SPDYC: variants seen among roughly 807,000 people sequenced by gnomAD.
SPDYC encodes the protein speedy/RINGO cell cycle regulator family member C, also known as speedy protein C.
Under a neutral mutation model 33.9 loss-of-function variants are expected in SPDYC, and 25 were observed. That is an observed-to-expected ratio of 0.74 (90% confidence interval 0.54 to 1.03). The LOEUF is 1.03. Among genes scored for constraint, SPDYC ranks in the 50% least tolerant of loss-of-function variants. SPDYC has a pLI of 0.00. For synonymous variants in SPDYC, 133 were observed against 140.2 expected (o/e 0.95, Z 0.36); for missense variants, 349 against 382.9 (o/e 0.91, Z 0.74).
At chr11:65,171,863 G>T in intron 2 of SPDYC, 80 bp from the exon 3 acceptor site, 1 of 1,274,760 alleles carries the variant, frequency 7.8e-7, no homozygotes. Context: ...GTGGTGGCTT[G>T]GGCTTTGGAG....
chr11:65,170,340 G>C lies in SPDYC; in HGVS notation c.26+79G>C, dbSNP rs1565371121. The stretch of plus-strand genomic sequence containing the variant: ...GGCCCAGATTGGCCCTGGGGTGGTC[G>C]ACCGCACGTTCTCCTCGGCCCCGTG... On this transcript the variant is annotated intron_variant, in intron 1 of 6. Coordinates refer to ENST00000377185, the Ensembl canonical transcript of SPDYC. 5.7e-6 allele frequency: 8 copies of C among 1,408,568 alleles called. No homozygotes were observed. In the East Asian group the frequency reaches 1.1e-4, roughly 19 times the overall value. The allele number at this position is 1,408,568 out of a possible 1,614,324, so 87.3% of individuals were successfully genotyped here.
intron 2 of SPDYC, 111 bp from the exon 3 acceptor site, chr11:65,171,830 AAG>A (rs1948438113): frequency 1.1e-6 from 1 of 911,238 alleles, no homozygotes; most frequent in Admixed American, 2.2e-5. Flanking sequence ...AAGGGAGAAA[AAG>A]AGAAAGAGAG....
chr11:65,170,813 G>A (rs1948422470), intron 1 of SPDYC, among the ~76,000 whole-genome samples: 1 of 152,160 alleles, frequency 6.6e-6, no homozygotes, highest in African/African-American at 2.4e-5. Flanking sequence ...AACCCGGGAG[G>A]CGGAGGTTGC....
At chr11:65,171,552 G>A (rs1948434567) in intron 2 of SPDYC, 53 bp downstream of exon 2, 1 of 1,456,902 alleles carries the variant, frequency 6.9e-7, no homozygotes, top group Admixed American at 2.8e-5. Flanking sequence ...TGTGAAAGCA[G>A]ATGTGAAGTG....
chr11:65,172,963 A>G (rs1231116834), exon 6 of SPDYC: 2 of 1,613,724 alleles, frequency 1.2e-6, no homozygotes, highest in South Asian at 1.1e-5. Context: ...GGACTTTCTC[A>G]TCGTCTTGCC....
chr11:65,171,460 C>T lies in SPDYC; in HGVS notation c.160C>T (p.Arg54Cys), dbSNP rs776932331. 1.3e-5 allele frequency: 20 copies of T among 1,595,260 alleles called. No homozygotes were observed. Among genetic ancestry groups the T allele is most frequent in the East Asian group, 9.1e-5 (4 of 44,180 alleles). ...TGGGGGCAATGGGTTCCTCCGTTTT[C>T]GCCAGCACCAGGAGGTCCAGGCCTT... Residue 54 changes from arginine to cysteine, a missense_variant, in exon 2 of 7, where the codon CGC (arginine) becomes TGC (cysteine). Coordinates refer to ENST00000377185, the Ensembl canonical transcript of SPDYC.
At chr11:65,172,505 A>T in exon 5 of SPDYC, 1 of 1,581,640 alleles carries the variant, frequency 6.3e-7, no homozygotes, top group Non-Finnish European at 8.6e-7. Flanking sequence ...GCCCTGGGAA[A>T]AGATTGGTGT....
downstream of SPDYC, chr11:65,173,364 C>T (rs1302644224): frequency 6.1e-6 from 6 of 983,014 alleles, no homozygotes; most frequent in East Asian, 5.2e-5. Flanking sequence ...GTCCACAGGA[C>T]ACCAACTGTG....
chr11:65,172,661 A>AAG (rs1395719427), intron 5 of SPDYC, 23 bp from the exon 6 acceptor site: 1 of 1,576,558 alleles, frequency 6.3e-7, no homozygotes, highest in Non-Finnish European at 8.6e-7. Flanking sequence ...CACCCCATTT[A>AAG]CTGTCCACTC....
In SPDYC at chr11:65,171,413, T is replaced by TG. The variant is rs1224705180; in HGVS notation, c.119dup (p.Cys41LeufsTer46). ...CCTGTAGTTACCACCCAGGTAGAGC[T>TG]GGGGGGCTGCAGCCGGCAAGGTGGG... On this transcript the variant is annotated frameshift_variant, in exon 2 of 7. Coordinates refer to ENST00000377185, the Ensembl canonical transcript of SPDYC. LOFTEE classifies it high-confidence loss of function. 2.5e-6 allele frequency: 4 copies of TG among 1,608,662 alleles called. No individual in the cohort carries two copies. The highest frequency in any genetic ancestry group is 4.5e-5 in the East Asian group (2 of 44,292).
At chr11:65,172,961 T>G in exon 6 of SPDYC, 3 of 1,614,108 alleles carry the variant, frequency 1.9e-6, no homozygotes, top group Non-Finnish European at 2.5e-6. Context: ...GGGGACTTTC[T>G]CATCGTCTTG....
chr11:65,172,282 G>A (rs370497227), exon 4 of SPDYC: 47 of 1,613,958 alleles, frequency 2.9e-5, no homozygotes, highest in Non-Finnish European at 3.4e-5. Context: ...CTTCCAGCGC[G>A]CCCACCTGAA....
exon 2 of SPDYC, chr11:65,171,357 G>A (rs1948430712): frequency 6.2e-7 from 1 of 1,612,716 alleles, no homozygotes; most frequent in Non-Finnish European, 8.5e-7. Context: ...TCTCCTATGA[G>A]ATGAGTGACT....
In SPDYC at chr11:65,172,752, G is replaced by C. The variant is rs139419482; in HGVS notation, c.585G>C (p.Gln195His). The C allele has an allele frequency of 9.9e-6, 16 of 1,613,830 alleles. 1 individual carries two copies. The Middle Eastern group carries it at 4.9e-4, about 50-fold the overall frequency. ...GGCGCCCCCACCATGGTGGGGTTCA[G>C]AGGGTCTGTCCACAGGTCCCTGTTC... The change falls in exon 6 of 7, where the codon CAG becomes CAC. Residue 195 changes from glutamine (Q) to histidine (H), a missense_variant. Coordinates refer to ENST00000377185, the Ensembl canonical transcript of SPDYC.
At chr11:65,170,752 G>A (rs1448328683) in intron 1 of SPDYC, among the ~76,000 whole-genome samples, 2 of 152,172 alleles carry the variant, frequency 1.3e-5, no homozygotes, top group East Asian at 3.9e-4. Context: ...GTGGCATGGC[G>A]CATGCCTGTA....
chr11:65,170,339 C>A, intron 1 of SPDYC, 78 bp downstream of exon 1: 1 of 1,415,448 alleles, frequency 7.1e-7, no homozygotes, highest in South Asian at 1.5e-5. Flanking sequence ...CTGGGGTGGT[C>A]GACCGCACGT....
downstream of SPDYC, chr11:65,173,288 C>G: frequency 6.5e-7 from 1 of 1,537,824 alleles, no homozygotes. Context: ...TGCTCCCACC[C>G]CTGCCCCTTC....
chr11:65,171,280 A>G, intron 1 of SPDYC, 47 bp from the exon 2 acceptor site: 1 of 1,559,444 alleles, frequency 6.4e-7, no homozygotes, highest in Non-Finnish European at 8.7e-7. Context: ...TTGATTTGTG[A>G]GCATCACGGG....
chr11:65,171,824 GAGAAAA>G (rs1403658838), intron 2 of SPDYC, 113 bp from the exon 3 acceptor site: 3 of 864,560 alleles, frequency 3.5e-6, no homozygotes, highest in Non-Finnish European at 5.6e-6. Context: ...GAGAAAAAGG[GAGAAAA>G]AGAGAAAGAG....
Sources: gnomAD v4.1 joint callset for allele counts (sites outside exome capture counted in the v4.1 genomes callset) on GRCh38, gnomAD v4.1.1 for gene constraint, MANE v1.5 for transcripts, NCBI Gene and HGNC (gene_info 2026-07-23, HGNC 2026-07-21) for gene names.